MED15: variants seen among roughly 807,000 people sequenced by gnomAD.
MED15 encodes the protein mediator of RNA polymerase II transcription subunit 15.
MED15 carries 41 observed loss-of-function variants against 118.7 expected under a neutral mutation model. That is an observed-to-expected ratio of 0.35 (90% CI 0.27 to 0.45). The LOEUF is 0.45. Ranked by LOEUF, MED15 falls within the 20% of genes least tolerant of loss-of-function variation. The pLI is 1.00. For missense variants in MED15, 740 were observed against 1,025.5 expected (o/e 0.72, Z 3.80); for synonymous variants, 436 against 413.9 (o/e 1.05, Z -0.65).
Position 20,585,015 on chromosome 22 carries a change from C to G in MED15, c.1964C>G (p.Thr655Arg). The G allele has an allele frequency of 6.2e-7, 1 of 1,614,044 alleles. No homozygotes were observed. Among genetic ancestry groups the G allele is most frequent in the Non-Finnish European group, 8.5e-7 (1 of 1,180,016 alleles). The change falls in exon 15 of 18, where the codon ACG (threonine) becomes AGG (arginine). Residue 655 changes from threonine to arginine, a missense_variant and splice_region_variant. By Grantham distance (71) the Thr-to-Arg change is moderately conservative. Coordinates refer to ENST00000263205, the MANE Select transcript of MED15 (RefSeq NM_001003891.3). ...AMTAIHGPPI[T>R]APVVCTRKRR... ...ACCGCCATTCACGGCCCACCCATCA[C>G]GTATGTCCAGCTGGGCTGGGCTTTG...
In MED15 at chr22:20,582,540, G is replaced by A. The variant is rs576759044; in HGVS notation, c.1273-71G>A. On this transcript the variant is annotated intron_variant, in intron 9 of 17. Transcript: ENST00000263205. The stretch of plus-strand genomic sequence containing the variant: ...TGCGGGAGGATGGGCCTATGCGTGC[G>A]GTGGGCAGGTGGTGTGGAGGCAGGC... 9.9e-5 allele frequency: 152 copies of A among 1,533,350 alleles called. 1 individual carries two copies. Among genetic ancestry groups the A allele is most frequent in the South Asian group, 6.3e-4 (53 of 83,810 alleles). 95.0% of individuals were successfully genotyped at this position (1,533,350 alleles called of 1,614,324 possible). A position where few individuals can be genotyped will look rare whatever the true frequency, so the allele number is the denominator to read the frequency against.
chr22:20,573,269 T>C (rs541792841), intron 8 of MED15, among the ~76,000 whole-genome samples: 2 of 152,368 alleles, frequency 1.3e-5, no homozygotes, highest in African/African-American at 4.8e-5. Flanking sequence ...TGCCTGGCCA[T>C]GCATCTCATT....
intron 3 of MED15, chr22:20,552,826 C>G (rs994179275): frequency 5.6e-6 from 2 of 354,820 alleles, no homozygotes; most frequent in Admixed American, 4.5e-5. Context: ...TTGCTCAGGG[C>G]TGAGCTGAGA....
Position 20,584,836 on chromosome 22 carries a change from G to A in MED15, c.1804-19G>A, listed in dbSNP as rs165835. 340,422 of 1,609,328 alleles carry A rather than the reference G, an allele frequency of 0.21. 36,797 individuals carry two copies. Among genetic ancestry groups the A allele is most frequent in the South Asian group, 0.25 (22,300 of 90,974 alleles). On this transcript the variant is annotated intron_variant, in intron 14 of 17. Coordinates refer to ENST00000263205, the MANE Select transcript of MED15 (RefSeq NM_001003891.3). ...ACCCTCGGGTCCCGGGCTGCTGACC[G>A]TGCCCATCCTGTCTCCAGCCCACTC...
intron 1 of MED15, among the ~76,000 whole-genome samples, chr22:20,514,144 G>C (rs1031984419): frequency 2.0e-5 from 3 of 152,190 alleles, no homozygotes; most frequent in Admixed American, 2.0e-4. Context: ...AGGATTACAG[G>C]TGTGAGCCAC....
intron 16 of MED15, 31 bp downstream of exon 16, chr22:20,585,298 G>A: frequency 6.2e-7 from 1 of 1,606,032 alleles, no homozygotes; most frequent in South Asian, 1.1e-5. Context: ...GACTGGTGTG[G>A]GAAAGCAGGC....
At chr22:20,532,948 T>TG (rs1004775340) in intron 1 of MED15, among the ~76,000 whole-genome samples, 23 of 152,158 alleles carry the variant, frequency 1.5e-4, no homozygotes, top group Non-Finnish European at 4.4e-5. Context: ...TACTCCATGT[T>TG]GGGGGCTGTC....
At chr22:20,572,781 T>A (rs1365233895) in intron 8 of MED15, among the ~76,000 whole-genome samples, 1 of 152,098 alleles carries the variant, frequency 6.6e-6, no homozygotes, top group Non-Finnish European at 1.5e-5. Flanking sequence ...AAAAGTTAGC[T>A]GGGCGGAGTG....
In MED15 at chr22:20,584,349, C is replaced by G. The variant is rs1468146165; in HGVS notation, c.1737-10C>G. The G allele has an allele frequency of 2.5e-6, 4 of 1,613,414 alleles. No homozygotes were observed. The highest frequency in any genetic ancestry group is 2.5e-6 in the Non-Finnish European group (3 of 1,179,634). On this transcript the variant is annotated splice_polypyrimidine_tract_variant and intron_variant, in intron 13 of 17. Transcript: ENST00000263205. The stretch of plus-strand genomic sequence containing the variant: ...TCCACTCTTTCAGCCCAAGTCCTCT[C>G]TCTCTGCAGGTGTCCCCTGAAGACC...
intron 1 of MED15, chr22:20,523,787 G>A (rs985667691): frequency 1.3e-5 from 13 of 985,338 alleles, no homozygotes; most frequent in Non-Finnish European, 1.3e-5. Context: ...TGTGAAGGAA[G>A]CTCGTGTATT....
chr22:20,552,311 T>G (rs1432366739), intron 3 of MED15, among the ~76,000 whole-genome samples: 2 of 152,238 alleles, frequency 1.3e-5, no homozygotes, highest in Non-Finnish European at 2.9e-5. Context: ...GACAGGCAGC[T>G]GTACCTTCAG....
intron 1 of MED15, among the ~76,000 whole-genome samples, chr22:20,527,416 T>C (rs2054684788): frequency 1.3e-5 from 2 of 151,822 alleles, no homozygotes; most frequent in South Asian, 4.1e-4. Flanking sequence ...GGATACAATG[T>C]AGTATAATAT....
Position 20,555,093 on chromosome 22 carries a change from G to A in MED15, c.396G>A (p.Gly132=). ...PMSLSGQPPP[G]TSGMAPHSMA... Reference sequence around the variant, plus strand: ...CTCTCTCAGGGCAGCCGCCTCCTGGGACCTCGGGGATGGCCCCTCACAGCA... The same window carrying A: ...CTCTCTCAGGGCAGCCGCCTCCTGGAACCTCGGGGATGGCCCCTCACAGCA... Residue 132 remains glycine (G), a synonymous_variant, in exon 5 of 18, where the codon GGG becomes GGA. Coordinates refer to ENST00000263205, the MANE Select transcript of MED15 (RefSeq NM_001003891.3). 1 of 1,611,732 alleles carries A rather than the reference G, an allele frequency of 6.2e-7. No individual in the cohort carries two copies. The highest frequency in any genetic ancestry group is 8.5e-7 in the Non-Finnish European group (1 of 1,179,556).
chr22:20,582,573 C>T lies in MED15; in HGVS notation c.1273-38C>T, dbSNP rs371019805. 137 of 1,535,674 alleles carry T rather than the reference C, an allele frequency of 8.9e-5. 2 individuals carry two copies. The highest frequency in any genetic ancestry group is 8.2e-4 in the African/African-American group (60 of 73,074). On this transcript the variant is annotated intron_variant, in intron 9 of 17. Coordinates refer to ENST00000263205, the MANE Select transcript of MED15 (RefSeq NM_001003891.3). ...GGTGGTGTGGAGGCAGGCGGGCGGG[C>T]GTGTGGCAGCGCGCCGGCTGAGCCC...
Position 20,555,128 on chromosome 22 carries a change from T to C in MED15, c.431T>C (p.Val144Ala), listed in dbSNP as rs2055942741. ...ATGGCCCCTCACAGCATGGCTGTCG[T>C]GTCTACGGCAACTCCACAGAGTGAG... ...SGMAPHSMAV[V>A]STATPQTQLQ... Residue 144 changes from valine (V) to alanine (A), a missense_variant, in exon 5 of 18, where the codon GTG becomes GCG. Val to Ala is a moderately conservative substitution (Grantham distance 64). Transcript: ENST00000263205. 1 of 1,605,050 alleles carries C rather than the reference T, an allele frequency of 6.2e-7. No individual in the cohort carries two copies. Among genetic ancestry groups the C allele is most frequent in the African/African-American group, 1.3e-5 (1 of 74,840 alleles).
At chr22:20,552,205 C>T (rs985064213) in intron 3 of MED15, among the ~76,000 whole-genome samples, 7 of 152,354 alleles carry the variant, frequency 4.6e-5, no homozygotes, top group East Asian at 3.9e-4. Flanking sequence ...TGCCCACTGC[C>T]GCTGCATAAC....
In MED15 at chr22:20,585,175, G is replaced by GT; in HGVS notation, c.2040dup (p.Glu681Ter). ...CAGAGCATCCCCAGTGTGCTCCAGG[G>GT]TGAGGTGGCCAGGCTGGACCCCAAG... On this transcript the variant is annotated frameshift_variant, in exon 16 of 18. Coordinates refer to ENST00000263205, the MANE Select transcript of MED15 (RefSeq NM_001003891.3). LOFTEE classifies it high-confidence loss of function. 2.5e-6 allele frequency: 4 copies of GT among 1,613,804 alleles called. No homozygotes were observed. Among genetic ancestry groups the GT allele is most frequent in the Non-Finnish European group, 3.4e-6 (4 of 1,180,006 alleles).
At chr22:20,516,317 A>AAAT (rs57339699) in intron 1 of MED15, among the ~76,000 whole-genome samples, 2,208 of 150,816 alleles carry the variant, frequency 0.015, 32 homozygotes, top group African/African-American at 0.037. Context: ...CCGTCTCAAT[A>AAAT]AATAATAATA....
At chr22:20,517,169 C>T (rs1293549853) in intron 1 of MED15, among the ~76,000 whole-genome samples, 2 of 152,004 alleles carry the variant, frequency 1.3e-5, no homozygotes, top group South Asian at 2.1e-4. Context: ...AACTCTTGGC[C>T]TCAAGTGAGC....
Sources: gnomAD v4.1 joint callset for allele counts (sites outside exome capture counted in the v4.1 genomes callset) on GRCh38, gnomAD v4.1.1 for gene constraint, MANE v1.5 for transcripts, NCBI Gene and HGNC (gene_info 2026-07-23, HGNC 2026-07-21) for gene names.